Variants in CTTNBP2NL observed in about 807,000 individuals in gnomAD.
CTTNBP2NL encodes the protein CTTNBP2 N-terminal-like protein.
In CTTNBP2NL, 16 loss-of-function variants were observed where a neutral mutation model predicts 32.5. The observed-to-expected ratio is 0.49, with a 90% confidence interval of 0.33 to 0.75. The LOEUF is 0.75. CTTNBP2NL is among the 30% of genes least tolerant of loss of function. CTTNBP2NL has a pLI of 0.02. For missense variants in CTTNBP2NL, 645 were observed against 756.0 expected (o/e 0.85, Z 1.72); for synonymous variants, 298 against 289.4 (o/e 1.03, Z -0.30).
intron 1 of CTTNBP2NL, among the ~76,000 whole-genome samples, chr1:112,399,539 T>G (rs1038516296): frequency 2.0e-5 from 3 of 152,112 alleles, no homozygotes; most frequent in African/African-American, 7.2e-5. Flanking sequence ...TTCTCTGGAT[T>G]TGTATCTTGG....
chr1:112,456,103 G>A lies in CTTNBP2NL; in HGVS notation c.611G>A (p.Ser204Asn), dbSNP rs759651328. ...AEEGQKAGEL[S>N]LKLEKEKSRV... is the part of the protein sequence containing the mutation. The stretch of plus-strand genomic sequence containing the variant: ...GAAGGACAGAAGGCAGGAGAGCTGA[G>A]CCTGAAATTGGAGAAGGAGAAGAGC... Residue 204 changes from serine to asparagine, a missense_variant, in exon 6 of 6, where the codon AGC (serine) becomes AAC (asparagine). Transcript: ENST00000271277. 4 of 1,614,140 alleles carry A rather than the reference G, an allele frequency of 2.5e-6. No individual in the cohort carries two copies. In the South Asian group the frequency reaches 4.4e-5, roughly 18 times the overall value.
intron 3 of CTTNBP2NL, among the ~76,000 whole-genome samples, chr1:112,448,245 T>C (rs1218666938): frequency 1.3e-5 from 2 of 152,102 alleles, no homozygotes; most frequent in Non-Finnish European, 2.9e-5. Context: ...TGGCAGCAGG[T>C]GGAAGAGGTT....
intron 1 of CTTNBP2NL, among the ~76,000 whole-genome samples, chr1:112,401,619 G>A (rs1648504362): frequency 6.6e-6 from 1 of 152,158 alleles, no homozygotes; most frequent in Admixed American, 6.5e-5. Flanking sequence ...TGTCCTCAAA[G>A]TAAGGAGCGA....
intron 3 of CTTNBP2NL, among the ~76,000 whole-genome samples, chr1:112,425,591 C>T (rs1411427823): frequency 3.3e-5 from 5 of 151,876 alleles, no homozygotes; most frequent in Admixed American, 6.6e-5. Context: ...GGGCCCACGA[C>T]GGTGGCTCAT....
chr1:112,448,530 T>G (rs1042957961), intron 3 of CTTNBP2NL, among the ~76,000 whole-genome samples: 1 of 152,174 alleles, frequency 6.6e-6, no homozygotes. Flanking sequence ...TAAGCAGATA[T>G]AAGCAGAGTC....
At chr1:112,405,067 C>CA (rs1156267145) in intron 1 of CTTNBP2NL, among the ~76,000 whole-genome samples, 11 of 150,408 alleles carry the variant, frequency 7.3e-5, no homozygotes, top group Admixed American at 6.6e-5. Context: ...AACTCCATCT[C>CA]AAAAAAAACA....
intron 4 of CTTNBP2NL, among the ~76,000 whole-genome samples, chr1:112,452,510 A>G (rs1218501325): frequency 1.3e-5 from 2 of 150,072 alleles, no homozygotes; most frequent in African/African-American, 2.5e-5. Context: ...ATGCCTGGCT[A>G]ATTTTGTATT....
upstream of CTTNBP2NL, among the ~76,000 whole-genome samples, chr1:112,392,644 T>C (rs554401002): frequency 1.8e-3 from 273 of 152,172 alleles, no homozygotes; most frequent in Non-Finnish European, 2.4e-3. Flanking sequence ...AAGTACAACA[T>C]GAGTGGGGCC....
In CTTNBP2NL at chr1:112,433,070, C is replaced by T. The variant is rs148612492; in HGVS notation, c.100-15872C>T. Among the ~76,000 whole-genome samples the T allele has an allele frequency of 3.0e-3, 451 of 152,068 alleles. 2 individuals are homozygous for T. The highest frequency in any genetic ancestry group is 0.01 in the African/African-American group (415 of 41,472). On this transcript the variant is annotated intron_variant, in intron 3 of 5. Coordinates refer to ENST00000271277, the MANE Select transcript of CTTNBP2NL (RefSeq NM_018704.3). ...CTTTGTGTTTTTTTCTTCCATATTC[C>T]TCTTAAATCTGATATCTTCTGTGAC...
upstream of CTTNBP2NL, chr1:112,396,211 CT>C (rs1648319743): frequency 6.6e-6 from 1 of 152,390 alleles, no homozygotes; most frequent in African/African-American, 2.4e-5. Context: ...GGGGCGGAGC[CT>C]CAGCCGCTGT....
intron 3 of CTTNBP2NL, among the ~76,000 whole-genome samples, chr1:112,427,384 A>G (rs1366415577): frequency 6.6e-6 from 1 of 152,110 alleles, no homozygotes; most frequent in Non-Finnish European, 1.5e-5. Context: ...TAAACATAGT[A>G]TTGCTTCTCC....
chr1:112,392,170 T>C (rs1231090935), upstream of CTTNBP2NL, among the ~76,000 whole-genome samples: 3 of 152,182 alleles, frequency 2.0e-5, no homozygotes, highest in Non-Finnish European at 2.9e-5. Flanking sequence ...ATTTTGAGAG[T>C]GCACTTTGGA....
At chr1:112,443,275 G>A (rs569345708) in intron 3 of CTTNBP2NL, among the ~76,000 whole-genome samples, 74 of 152,312 alleles carry the variant, frequency 4.9e-4, no homozygotes, top group Middle Eastern at 3.4e-3. Flanking sequence ...GTGCAGTGGT[G>A]CGATCTTGGC....
intron 3 of CTTNBP2NL, among the ~76,000 whole-genome samples, chr1:112,425,995 GTGTGTGTGTC>G (rs71081235): frequency 0.024 from 3,239 of 135,844 alleles, 154 homozygotes; most frequent in Admixed American, 0.13. Flanking sequence ...GTGTGTGTGT[GTGTGTGTGTC>G]TGTCTGTCTT....
intron 1 of CTTNBP2NL, among the ~76,000 whole-genome samples, chr1:112,407,558 T>G (rs1648705513): frequency 6.6e-6 from 1 of 152,154 alleles, no homozygotes; most frequent in South Asian, 2.1e-4. Flanking sequence ...AATTATCTCT[T>G]TAGAGATCCT....
At chr1:112,426,996 T>C (rs1300290030) in intron 3 of CTTNBP2NL, among the ~76,000 whole-genome samples, 1 of 152,232 alleles carries the variant, frequency 6.6e-6, no homozygotes, top group Non-Finnish European at 1.5e-5. Flanking sequence ...ACTCCTCTCC[T>C]TTAAAGCAAC....
At chr1:112,410,150 T>C (rs1271742567) in intron 1 of CTTNBP2NL, among the ~76,000 whole-genome samples, 1 of 152,190 alleles carries the variant, frequency 6.6e-6, no homozygotes, top group Non-Finnish European at 1.5e-5. Context: ...CCCAGCACTT[T>C]GGGAGGCCAA....
chr1:112,396,564 C>T (rs766853001), intron 1 of CTTNBP2NL: 1 of 152,474 alleles, frequency 6.6e-6, no homozygotes, highest in Non-Finnish European at 1.5e-5. Flanking sequence ...CGCACCTCAG[C>T]CTTGGCGGAG....
intron 2 of CTTNBP2NL, chr1:112,415,744 A>T (rs1438573404): frequency 1.0e-5 from 2 of 200,468 alleles, no homozygotes; most frequent in Non-Finnish European, 2.0e-5. Flanking sequence ...TTCAGTAGAG[A>T]CAGGGTTTTA....
Sources: gnomAD v4.1 joint callset for allele counts (sites outside exome capture counted in the v4.1 genomes callset) on GRCh38, gnomAD v4.1.1 for gene constraint, MANE v1.5 for transcripts, NCBI Gene and HGNC (gene_info 2026-07-23, HGNC 2026-07-21) for gene names.